FKBP6: variants seen among roughly 807,000 people sequenced by gnomAD.
FKBP6 encodes the protein inactive peptidyl-prolyl cis-trans isomerase FKBP6.
In FKBP6, 29 loss-of-function variants were observed where a neutral mutation model predicts 41.7. The observed-to-expected ratio is 0.70, with a 90% CI of 0.52 to 0.95. The LOEUF (loss-of-function observed/expected upper bound fraction) is 0.95, where lower values mean the gene tolerates loss of function less well. Ranked by LOEUF, FKBP6 falls within the 40% of genes least tolerant of loss-of-function variation. The pLI is 0.00. For missense variants in FKBP6, 338 were observed against 408.7 expected, an observed-to-expected ratio of 0.83 and a Z score of 1.49; for synonymous variants, 130 against 165.1, an observed-to-expected ratio of 0.79 and a Z score of 1.63.
chr7:73,357,363 A>C (rs1462224133), intron 8 of FKBP6, among the ~76,000 whole-genome samples: 1 of 147,370 alleles, frequency 6.8e-6, no homozygotes, highest in Admixed American at 6.8e-5. Flanking sequence ...GGTATAAGCA[A>C]TTCTCCTTGC....
chr7:73,343,540 G>A (rs2115914166), intron 8 of FKBP6, among the ~76,000 whole-genome samples: 1 of 152,224 alleles, frequency 6.6e-6, no homozygotes, highest in South Asian at 2.1e-4. Flanking sequence ...AGATCGCAGG[G>A]TGGGGATGGG....
intron 7 of FKBP6, among the ~76,000 whole-genome samples, chr7:73,342,068 A>T (rs1805207822): frequency 6.6e-6 from 1 of 151,756 alleles, no homozygotes; most frequent in African/African-American, 2.4e-5. Flanking sequence ...GTAGGTCCTC[A>T]TGTGACCAGA....
chr7:73,342,950 T>C, intron 8 of FKBP6, 51 bp downstream of exon 8: 1 of 1,220,666 alleles, frequency 8.2e-7, no homozygotes, highest in South Asian at 1.2e-5. Context: ...AGAAGCGTGC[T>C]GCTCTCCTCC....
chr7:73,349,973 C>T (rs943128408), intron 8 of FKBP6, among the ~76,000 whole-genome samples: 9 of 152,282 alleles, frequency 5.9e-5, no homozygotes, highest in African/African-American at 2.2e-4. Context: ...AATCCCCAGC[C>T]ACCAGTCATG....
At chr7:73,329,853 C>T in intron 3 of FKBP6, 1 of 538,972 alleles carries the variant, frequency 1.9e-6, no homozygotes, top group Non-Finnish European at 3.3e-6. Flanking sequence ...GGATGAGTGC[C>T]TGGGAGGTGA....
At chr7:73,342,091 G>A (rs142850135) in intron 7 of FKBP6, among the ~76,000 whole-genome samples, 1 of 151,884 alleles carries the variant, frequency 6.6e-6, no homozygotes, top group African/African-American at 2.4e-5. Flanking sequence ...CAGGCGTTTC[G>A]GGTCTGACTC....
At chr7:73,349,359 C>T (rs1383122510) in intron 8 of FKBP6, among the ~76,000 whole-genome samples, 5 of 147,726 alleles carry the variant, frequency 3.4e-5, no homozygotes, top group African/African-American at 1.3e-4. Flanking sequence ...CGGTAAGCTG[C>T]ACACCACTGC....
intron 8 of FKBP6, among the ~76,000 whole-genome samples, chr7:73,349,531 G>A (rs1196477012): frequency 6.8e-5 from 9 of 132,964 alleles, no homozygotes; most frequent in South Asian, 2.3e-4. Context: ...GTGAAACCCC[G>A]TCTCTACTAA....
chr7:73,330,863 A>G (rs1014868630), intron 4 of FKBP6, among the ~76,000 whole-genome samples: 1 of 152,154 alleles, frequency 6.6e-6, no homozygotes, highest in Admixed American at 6.5e-5. Flanking sequence ...TCCTCTTTGT[A>G]GCCTTTCACT....
At chr7:73,342,574 A>G (rs1238206123) in intron 7 of FKBP6, among the ~76,000 whole-genome samples, 1 of 152,196 alleles carries the variant, frequency 6.6e-6, no homozygotes, top group Non-Finnish European at 1.5e-5. Flanking sequence ...CCTGCCCTTC[A>G]AGGCAGCTGT....
chr7:73,343,048 G>A (rs1805238230), intron 8 of FKBP6, 149 bp downstream of exon 8: 2 of 710,132 alleles, frequency 2.8e-6, no homozygotes, highest in African/African-American at 1.7e-5. Context: ...CAACGGTAGT[G>A]CAGGATGCAC....
At position 73,331,677 on chromosome 7, in the gene FKBP6, A is replaced by G. The variant is rs782587791; in HGVS notation, c.489A>G (p.Pro163=). The G allele has an allele frequency of 3.7e-6, 6 of 1,613,448 alleles. No homozygotes were observed. In the South Asian group the frequency reaches 6.6e-5, roughly 18 times the overall value. Residue 163 remains proline, a synonymous_variant, in exon 5 of 9, where the codon CCA becomes CCG. Transcript: ENST00000252037. The part of the protein sequence containing the change: ...ALSAEQQDQF[P]LQKVLKVAAT... Reference sequence around the variant, plus strand: ...CTCAGGAGCAGCAAGACCAATTTCCACTTCAGAAGGTCCTGAAAGTGGCAG... The same window carrying G: ...CTCAGGAGCAGCAAGACCAATTTCCGCTTCAGAAGGTCCTGAAAGTGGCAG...
chr7:73,353,177 T>G (rs1321434849), intron 8 of FKBP6, among the ~76,000 whole-genome samples: 1 of 152,136 alleles, frequency 6.6e-6, no homozygotes, highest in Non-Finnish European at 1.5e-5. Flanking sequence ...GTCTCCTCCT[T>G]TTTCTGACCC....
rs782794976 is a variant in FKBP6, at chr7:73,329,428, C to T, written c.244C>T (p.Arg82Trp). The T allele has an allele frequency of 1.7e-5, 28 of 1,603,866 alleles. No individual in the cohort carries two copies. The highest frequency in any genetic ancestry group is 1.5e-4 in the Admixed American group (9 of 59,970). Residue 82 changes from arginine to tryptophan, a missense_variant, in exon 3 of 9, where the codon CGG becomes TGG. By Grantham distance (101) the Arg-to-Trp change is moderately radical. This residue lies in a region of FKBP6 where 99 missense variants were observed against 158.6 expected (regional missense o/e 0.62). Transcript: ENST00000252037. The stretch of plus-strand genomic sequence containing the variant: ...TTCTAATTACTTTAGGAAAACTCCT[C>T]GGCTAATGAAACTTGGAGAGGGTAG... The part of the protein sequence containing the change: ...FDSNYFRKTP[R>W]LMKLGEDITL...
intron 8 of FKBP6, among the ~76,000 whole-genome samples, chr7:73,353,704 T>G (rs1805552289): frequency 6.6e-6 from 1 of 152,166 alleles, no homozygotes; most frequent in Admixed American, 6.5e-5. Context: ...TGATTTACAT[T>G]TTGGTAATTA....
chr7:73,331,205 C>T (rs1554547635), intron 4 of FKBP6, among the ~76,000 whole-genome samples: 1 of 152,180 alleles, frequency 6.6e-6, no homozygotes, highest in African/African-American at 2.4e-5. Context: ...TAAAGACTGC[C>T]AGGGCCCTGA....
chr7:73,352,792 C>T (rs1805526408), intron 8 of FKBP6, among the ~76,000 whole-genome samples: 1 of 152,090 alleles, frequency 6.6e-6, no homozygotes, highest in Non-Finnish European at 1.5e-5. Flanking sequence ...AGGATGTGGT[C>T]TGCCGTCACT....
At chr7:73,347,214 AT>A (rs1355685563) in intron 8 of FKBP6, among the ~76,000 whole-genome samples, 3 of 152,120 alleles carry the variant, frequency 2.0e-5, no homozygotes, top group African/African-American at 7.2e-5. Context: ...TTTGGTCAAA[AT>A]TTTTATTCAT....
Position 73,330,026 on chromosome 7 carries a change from A to G in FKBP6, c.266-124A>G, listed in dbSNP as rs1583795471. 2.4e-5 allele frequency: 18 copies of G among 742,106 alleles called. No homozygotes were observed. The South Asian group carries it at 2.7e-4, about 11-fold the overall frequency. 46.0% of individuals were successfully genotyped at this position (742,106 alleles called of 1,614,324 possible). On this transcript the variant is annotated intron_variant, in intron 3 of 8. Transcript: ENST00000252037. ...AGGCTCAGGAGGAAGACATTGCAGG[A>G]AGAGGGAACTGTGTGAGGGAGACAT...
Sources: allele counts gnomAD v4.1 joint callset (sites outside exome capture counted in the v4.1 genomes callset), GRCh38; gene constraint gnomAD v4.1.1; regional missense constraint gnomAD v4.1.1; transcripts MANE v1.5; gene names NCBI Gene and HGNC (gene_info 2026-07-23, HGNC 2026-07-21).